Variants in PTPRM observed in about 807,000 individuals in gnomAD.
The protein encoded by PTPRM is receptor-type tyrosine-protein phosphatase mu.
A neutral mutation model predicts 186.7 loss-of-function variants in PTPRM; 47 were observed. The ratio of observed to expected loss-of-function variants is 0.25; its 90% CI spans 0.20 to 0.32. The LOEUF is 0.32. PTPRM is among the 10% of genes least tolerant of loss of function. PTPRM has a pLI of 1.00. For synonymous variants in PTPRM, 668 were observed against 674.9 expected (o/e 0.99, Z 0.16); for missense variants, 1,494 against 1,865.0 (o/e 0.80, Z 3.66).
At chr18:8,120,978 C>T (rs2092150249) in intron 13 of PTPRM, among the ~76,000 whole-genome samples, 1 of 152,164 alleles carries the variant, frequency 6.6e-6, no homozygotes, top group East Asian at 1.9e-4. Flanking sequence ...TTAGAAATAA[C>T]ATTTTACTGT....
intron 4 of PTPRM, among the ~76,000 whole-genome samples, chr18:7,914,577 C>A (rs1433857628): frequency 6.6e-6 from 1 of 151,842 alleles, no homozygotes; most frequent in African/African-American, 2.4e-5. Flanking sequence ...GAATTTATCA[C>A]AATGCTTACC....
At chr18:7,843,757 C>A (rs2046461456) in intron 2 of PTPRM, among the ~76,000 whole-genome samples, 1 of 152,084 alleles carries the variant, frequency 6.6e-6, no homozygotes, top group African/African-American at 2.4e-5. Flanking sequence ...CATTGTTATG[C>A]CTCTCAGTTT....
chr18:8,289,539 T>TATATATATACACAC (rs1568674684), intron 19 of PTPRM, among the ~76,000 whole-genome samples: 1 of 56,870 alleles, frequency 1.8e-5, no homozygotes, highest in African/African-American at 1.2e-4. Context: ...TATATACACA[T>TATATATATACACAC]ATATATATAT....
intron 13 of PTPRM, among the ~76,000 whole-genome samples, chr18:8,128,865 G>T (rs964272366): frequency 2.6e-5 from 4 of 152,004 alleles, no homozygotes; most frequent in African/African-American, 9.7e-5. Context: ...TTAATTTTTT[G>T]ATACCATTTT....
At chr18:8,185,354 G>T (rs1017569483) in intron 14 of PTPRM, among the ~76,000 whole-genome samples, 2 of 152,118 alleles carry the variant, frequency 1.3e-5, no homozygotes, top group Admixed American at 6.5e-5. Flanking sequence ...GCCCCACCAG[G>T]AGGCACCGCA....
chr18:7,610,736 A>C (rs2037652031), intron 1 of PTPRM, among the ~76,000 whole-genome samples: 1 of 152,270 alleles, frequency 6.6e-6, no homozygotes, highest in Non-Finnish European at 1.5e-5. Context: ...GTCATATAAA[A>C]GTATTACACA....
intron 19 of PTPRM, among the ~76,000 whole-genome samples, chr18:8,258,937 G>A (rs796324210): frequency 3.3e-5 from 5 of 151,262 alleles, no homozygotes; most frequent in African/African-American, 9.8e-5. Flanking sequence ...TTTATTCCAC[G>A]TACTTTTTTT....
chr18:7,601,282 C>G (rs1000431543), intron 1 of PTPRM, among the ~76,000 whole-genome samples: 1 of 152,202 alleles, frequency 6.6e-6, no homozygotes, highest in Non-Finnish European at 1.5e-5. Context: ...GAAGGACAGT[C>G]CTAGCTCTGG....
chr18:8,371,024 T>C lies in PTPRM; in HGVS notation c.3171+18T>C. On this transcript the variant is annotated intron_variant, in intron 24 of 32. Transcript: ENST00000580170. ...TTGAAAAGGTAAGTTTTCATACTGCTTTTAAAAGCTATGGTCAGACACTAG... is the reference window on the plus strand; with the variant it reads ...TTGAAAAGGTAAGTTTTCATACTGCCTTTAAAAGCTATGGTCAGACACTAG... 1 of 1,462,032 alleles carries C rather than the reference T, an allele frequency of 6.8e-7. No homozygotes were observed. 90.6% of individuals were successfully genotyped at this position (1,462,032 alleles called of 1,614,324 possible).
intron 1 of PTPRM, among the ~76,000 whole-genome samples, chr18:7,619,421 C>A (rs2143951888): frequency 6.6e-6 from 1 of 152,210 alleles, no homozygotes; most frequent in Non-Finnish European, 1.5e-5. Flanking sequence ...CCGGAAAAGT[C>A]TTATTTGTAA....
At chr18:7,624,756 C>T (rs1372740121) in intron 1 of PTPRM, among the ~76,000 whole-genome samples, 2 of 152,160 alleles carry the variant, frequency 1.3e-5, no homozygotes, top group African/African-American at 4.8e-5. Context: ...GGATTACAGG[C>T]GTGAGCTACC....
intron 7 of PTPRM, among the ~76,000 whole-genome samples, chr18:8,014,426 CCTTT>C (rs1380791410): frequency 1.3e-5 from 2 of 152,050 alleles, no homozygotes; most frequent in East Asian, 3.9e-4. Flanking sequence ...AAAAGTACAT[CCTTT>C]CTGTCTCCAT....
chr18:8,205,952 C>G (rs971095247), intron 14 of PTPRM, among the ~76,000 whole-genome samples: 1 of 152,074 alleles, frequency 6.6e-6, no homozygotes, highest in Non-Finnish European at 1.5e-5. Context: ...TTGGTGGCAG[C>G]GTGTGAGGTC....
At chr18:8,337,243 C>G (rs2095445145) in intron 22 of PTPRM, among the ~76,000 whole-genome samples, 1 of 152,048 alleles carries the variant, frequency 6.6e-6, no homozygotes, top group Non-Finnish European at 1.5e-5. Context: ...GTTGCACAGA[C>G]TGGTCTCAAA....
chr18:8,022,695 C>T (rs1020108305), intron 7 of PTPRM, among the ~76,000 whole-genome samples: 1 of 152,106 alleles, frequency 6.6e-6, no homozygotes, highest in Non-Finnish European at 1.5e-5. Flanking sequence ...TCTGTAACTT[C>T]CTCCAAGGTG....
intron 1 of PTPRM, among the ~76,000 whole-genome samples, chr18:7,616,889 G>C (rs61288642): frequency 6.6e-6 from 1 of 152,090 alleles, no homozygotes; most frequent in Non-Finnish European, 1.5e-5. Context: ...CCTGGCCAGC[G>C]CCCAGGATGT....
intron 3 of PTPRM, among the ~76,000 whole-genome samples, chr18:7,898,509 C>A (rs2049487264): frequency 6.6e-6 from 1 of 152,156 alleles, no homozygotes; most frequent in Non-Finnish European, 1.5e-5. Flanking sequence ...TGAAGGATAG[C>A]CTGATGTCAA....
At position 8,062,275 on chromosome 18, in the gene PTPRM, C is replaced by T; in HGVS notation, c.1133-7411C>T. 3.1e-5 allele frequency among the ~76,000 whole-genome samples: 2 copies of T among 65,496 alleles called. 1 individual carries two copies. Among genetic ancestry groups the T allele is most frequent in the Non-Finnish European group, 6.2e-5 (2 of 32,326 alleles). 43.0% of individuals were successfully genotyped at this position (65,496 alleles called of 152,430 possible). On this transcript the variant is annotated intron_variant, in intron 7 of 32. Coordinates refer to ENST00000580170, the MANE Select transcript of PTPRM (RefSeq NM_001105244.2). Reference sequence around the variant, plus strand: ...CGGCTCCTGAGGCTTCTGCATTCTTCACGTAGTTCTCGAGCCTTGGTTTTC... The same window carrying T: ...CGGCTCCTGAGGCTTCTGCATTCTTTACGTAGTTCTCGAGCCTTGGTTTTC...
At chr18:7,841,493 A>C (rs923481960) in intron 2 of PTPRM, among the ~76,000 whole-genome samples, 7 of 151,346 alleles carry the variant, frequency 4.6e-5, no homozygotes, top group Non-Finnish European at 7.4e-5. Flanking sequence ...ACGGGTTTTC[A>C]CCATGTTTGC....
Sources: gnomAD v4.1 joint callset for allele counts (sites outside exome capture counted in the v4.1 genomes callset) on GRCh38, gnomAD v4.1.1 for gene constraint, MANE v1.5 for transcripts, NCBI Gene and HGNC (gene_info 2026-07-23, HGNC 2026-07-21) for gene names.